FAM151B: variants seen among roughly 807,000 people sequenced by gnomAD.
The protein encoded by FAM151B is family with sequence similarity 151 member B.
FAM151B carries 24 observed loss-of-function variants against 31.2 expected under a neutral mutation model. The observed-to-expected ratio is 0.77, with a 90% confidence interval of 0.56 to 1.08. The LOEUF (loss-of-function observed/expected upper bound fraction) is 1.08, where lower values mean the gene tolerates loss of function less well. Ranked by LOEUF, FAM151B falls within the 50% of genes least tolerant of loss-of-function variation. FAM151B has a pLI of 0.00. For synonymous variants in FAM151B, 105 were observed against 111.4 expected (o/e 0.94, Z 0.36); for missense variants, 293 against 328.6 (o/e 0.89, Z 0.84).
intron 4 of FAM151B, among the ~76,000 whole-genome samples, chr5:80,521,058 C>A (rs1282995495): frequency 6.7e-6 from 1 of 149,800 alleles, no homozygotes; most frequent in African/African-American, 2.5e-5. Flanking sequence ...CTCCAGTGAT[C>A]CACCCACCTT....
chr5:80,538,594 C>G (rs947274687), intron 5 of FAM151B, among the ~76,000 whole-genome samples: 7 of 135,548 alleles, frequency 5.2e-5, no homozygotes, highest in African/African-American at 2.0e-4. Context: ...TTCCTCCTTT[C>G]TTTCTTTTCT....
intron 5 of FAM151B, among the ~76,000 whole-genome samples, chr5:80,533,624 C>T (rs780966915): frequency 6.6e-6 from 1 of 150,952 alleles, no homozygotes; most frequent in East Asian, 2.0e-4. Flanking sequence ...GTGGCACGCA[C>T]CTGTAATCCC....
chr5:80,520,985 G>A (rs911226217), intron 4 of FAM151B, among the ~76,000 whole-genome samples: 2 of 149,886 alleles, frequency 1.3e-5, no homozygotes, highest in Admixed American at 6.6e-5. Flanking sequence ...GCTAATTTTT[G>A]TATTGTTTTT....
intron 1 of FAM151B, among the ~76,000 whole-genome samples, chr5:80,493,044 C>T (rs1743382105): frequency 6.6e-6 from 1 of 152,154 alleles, no homozygotes; most frequent in African/African-American, 2.4e-5. Flanking sequence ...TTGTGCCAAA[C>T]AGCTAAGTTG....
chr5:80,507,963 G>A (rs1580424234), intron 2 of FAM151B, among the ~76,000 whole-genome samples: 1 of 152,074 alleles, frequency 6.6e-6, no homozygotes, highest in Non-Finnish European at 1.5e-5. Context: ...CTTTGGTATC[G>A]GCTGAATTGT....
At chr5:80,524,965 A>T (rs1343825926) in intron 5 of FAM151B, among the ~76,000 whole-genome samples, 1 of 152,218 alleles carries the variant, frequency 6.6e-6, no homozygotes. Flanking sequence ...TTAAATGGAA[A>T]AACCAAATGC....
chr5:80,532,137 T>C (rs2443554), intron 5 of FAM151B, among the ~76,000 whole-genome samples: 14,499 of 147,708 alleles, frequency 0.098, 970 homozygotes, highest in African/African-American at 0.19. Context: ...CCAAACACTG[T>C]GTGTTCTCAC....
At chr5:80,496,786 C>T (rs1188740644) in intron 1 of FAM151B, among the ~76,000 whole-genome samples, 1 of 142,730 alleles carries the variant, frequency 7.0e-6, no homozygotes, top group African/African-American at 2.6e-5. Context: ...GGGAACTTTG[C>T]TCTTTTTGCT....
chr5:80,494,460 C>CTTTTCTTTTCT (rs56167626), intron 1 of FAM151B, among the ~76,000 whole-genome samples: 12 of 70,948 alleles, frequency 1.7e-4, no homozygotes, highest in African/African-American at 6.1e-4. Context: ...TCTTTCTTTT[C>CTTTTCTTTTCT]TTTCTTTCTT....
intron 2 of FAM151B, among the ~76,000 whole-genome samples, chr5:80,508,534 T>G (rs894479387): frequency 8.0e-5 from 12 of 150,352 alleles, no homozygotes; most frequent in African/African-American, 2.7e-4. Flanking sequence ...CTAATGCTGG[T>G]GAGCATCTCT....
At chr5:80,506,051 C>T (rs989941654) in intron 2 of FAM151B, 24 of 986,062 alleles carry the variant, frequency 2.4e-5, no homozygotes, top group African/African-American at 1.0e-4. Flanking sequence ...CCACCACGCC[C>T]GGCCAAGAAC....
In FAM151B at chr5:80,521,937, G is replaced by A. The variant is rs1194742239; in HGVS notation, c.536-66G>A. ...GTTTTACCTAATTATAGGTAATTTA[G>A]TCTTTTATTTAATTGTCTTTCAAGA... On this transcript the variant is annotated intron_variant, in intron 4 of 5. Coordinates refer to ENST00000282226, the MANE Select transcript of FAM151B (RefSeq NM_205548.3). 2.7e-5 allele frequency: 32 copies of A among 1,202,858 alleles called. 1 individual carries two copies. Among genetic ancestry groups the A allele is most frequent in the Non-Finnish European group, 1.2e-5 (10 of 866,162 alleles). The allele number at this position is 1,202,858 out of a possible 1,614,324, so 74.5% of individuals were successfully genotyped here. A position where few individuals can be genotyped will look rare whatever the true frequency, so the allele number is the denominator to read the frequency against.
chr5:80,503,922 G>A (rs1468041114), intron 2 of FAM151B, among the ~76,000 whole-genome samples: 1 of 151,960 alleles, frequency 6.6e-6, no homozygotes, highest in Non-Finnish European at 1.5e-5. Context: ...AAGCAGAAGT[G>A]TGCCCTGACT....
At chr5:80,525,740 G>C (rs1744927729) in intron 5 of FAM151B, among the ~76,000 whole-genome samples, 1 of 152,026 alleles carries the variant, frequency 6.6e-6, no homozygotes, top group Non-Finnish European at 1.5e-5. Context: ...ACATACACCA[G>C]AGTAACTAAA....
At chr5:80,541,568 A>C in intron 5 of FAM151B, 105 bp from the exon 6 acceptor site, 1 of 978,942 alleles carries the variant, frequency 1.0e-6, no homozygotes, top group East Asian at 2.4e-5. Flanking sequence ...TTTTCATCTG[A>C]GTGCATTTGA....
chr5:80,520,472 C>T (rs1196435427), intron 4 of FAM151B, among the ~76,000 whole-genome samples: 1 of 151,626 alleles, frequency 6.6e-6, no homozygotes, highest in Non-Finnish European at 1.5e-5. Flanking sequence ...TGACGAAACC[C>T]CGTCTCTACT....
chr5:80,541,751 CA>C lies in FAM151B; in HGVS notation c.756del (p.Lys252AsnfsTer48), dbSNP rs764889708. ...TACTTTACATTAGAGACCATTTTGACAAAAAACAAGTTTTCTATGACATCTT... is the reference window on the plus strand; with the variant it reads ...TACTTTACATTAGAGACCATTTTGACAAAAACAAGTTTTCTATGACATCTT... ...DLLYIRDHFD[K>X]KQVFYDILEP... On this transcript the variant is annotated frameshift_variant, in exon 6 of 6. Transcript: ENST00000282226. LOFTEE classifies it high-confidence loss of function. 2.5e-6 allele frequency: 4 copies of C among 1,613,470 alleles called. No individual in the cohort carries two copies. Among genetic ancestry groups the C allele is most frequent in the Non-Finnish European group, 3.4e-6 (4 of 1,179,720 alleles).
chr5:80,519,363 A>G (rs1212404929), intron 3 of FAM151B, among the ~76,000 whole-genome samples: 1 of 152,186 alleles, frequency 6.6e-6, no homozygotes, highest in Admixed American at 6.5e-5. Flanking sequence ...GGAACGAGTG[A>G]ATATTTGTGT....
At chr5:80,520,679 T>A (rs982225033) in intron 4 of FAM151B, among the ~76,000 whole-genome samples, 1 of 142,266 alleles carries the variant, frequency 7.0e-6, no homozygotes, top group African/African-American at 2.8e-5. Context: ...TATATATATA[T>A]GTGTGTGTAT....
Sources: gnomAD v4.1 joint callset for allele counts (sites outside exome capture counted in the v4.1 genomes callset) on GRCh38, gnomAD v4.1.1 for gene constraint, MANE v1.5 for transcripts, NCBI Gene and HGNC (gene_info 2026-07-23, HGNC 2026-07-21) for gene names.